The following DNAJB6 variants were observed in gnomAD, a reference collection of about 807,000 sequenced individuals.
DNAJB6 encodes dnaJ homolog subfamily B member 6.
A neutral mutation model predicts 42.7 loss-of-function variants in DNAJB6; 16 were observed. The observed-to-expected ratio is 0.37, with a 90% CI of 0.25 to 0.57. The LOEUF (loss-of-function observed/expected upper bound fraction) is 0.57, where lower values mean the gene tolerates loss of function less well. DNAJB6 is among the 20% of genes least tolerant of loss of function. The pLI, the probability that DNAJB6 is intolerant of heterozygous loss-of-function variation, is 0.74. For missense variants in DNAJB6, 347 were observed against 416.8 expected, an observed-to-expected ratio of 0.83 and a Z score of 1.46; for synonymous variants, 170 against 163.5, an observed-to-expected ratio of 1.04 and a Z score of -0.30.
chr7:157,351,550 G>GCT (rs1798973545), intron 1 of DNAJB6, among the ~76,000 whole-genome samples: 3 of 150,282 alleles, frequency 2.0e-5, no homozygotes, highest in Non-Finnish European at 4.4e-5. Flanking sequence ...GGAGAATGGT[G>GCT]TGAACCCTAG....
At chr7:157,373,778 T>C (rs1389789250) in intron 5 of DNAJB6, among the ~76,000 whole-genome samples, 1 of 150,602 alleles carries the variant, frequency 6.6e-6, no homozygotes, top group African/African-American at 2.4e-5. Context: ...TACAGCAGTT[T>C]GTTTGTAATG....
chr7:157,338,031 T>C (rs968022195), intron 1 of DNAJB6, among the ~76,000 whole-genome samples: 1 of 152,018 alleles, frequency 6.6e-6, no homozygotes, highest in Admixed American at 6.6e-5. Context: ...TTGGGAAGAG[T>C]AGGCTGAGCG....
chr7:157,345,407 T>TG (rs1245313476), intron 1 of DNAJB6, among the ~76,000 whole-genome samples: 1 of 152,156 alleles, frequency 6.6e-6, no homozygotes, highest in Non-Finnish European at 1.5e-5. Context: ...CTTGATCTCT[T>TG]GCGCTCAAGT....
chr7:157,384,814 C>T (rs1800971313), intron 6 of DNAJB6, 53 bp from the exon 7 acceptor site: 2 of 1,554,112 alleles, frequency 1.3e-6, no homozygotes, highest in Non-Finnish European at 1.8e-6. Flanking sequence ...CTTGTCTTTG[C>T]ATTACTAGTT....
At chr7:157,341,279 T>C (rs1798366540) in intron 1 of DNAJB6, among the ~76,000 whole-genome samples, 1 of 151,986 alleles carries the variant, frequency 6.6e-6, no homozygotes, top group Non-Finnish European at 1.5e-5. Flanking sequence ...CACCTGCCAC[T>C]GCTCCCGACT....
Position 157,382,371 on chromosome 7 carries a change from G to A in DNAJB6, c.472G>A (p.Asp158Asn). The change falls in exon 6 of 10, where the codon GAT (aspartate) becomes AAT (asparagine). Residue 158 changes from aspartate to asparagine, a missense_variant. Asp to Asn is a conservative substitution (Grantham distance 23). Around this residue, in one of 3 missense-constraint regions of DNAJB6, gnomAD observed 264 missense variants for 288.0 expected, o/e 0.92. Transcript: ENST00000262177. ...TTTTGGAAGTGGATTTTCTTCTTTT[G>A]ATACAGGTATTAAATCCCTAGGTTT... ...PSFGSGFSSF[D>N]TGFTSFGSLG... is the part of the protein sequence containing the mutation. 2 of 1,445,416 alleles carry A rather than the reference G, an allele frequency of 1.4e-6. No homozygotes were observed. The highest frequency in any genetic ancestry group is 1.9e-6 in the Non-Finnish European group (2 of 1,075,232). 89.5% of individuals were successfully genotyped at this position (1,445,416 alleles called of 1,614,324 possible). A position where few individuals can be genotyped will look rare whatever the true frequency, so the allele number is the denominator to read the frequency against.
At chr7:157,356,443 C>T (rs1183143116) in intron 1 of DNAJB6, among the ~76,000 whole-genome samples, 1 of 152,204 alleles carries the variant, frequency 6.6e-6, no homozygotes, top group Non-Finnish European at 1.5e-5. Context: ...GAGTCGACTC[C>T]TGTCTTTTCT....
intron 3 of DNAJB6, among the ~76,000 whole-genome samples, chr7:157,365,315 A>G (rs1342958330): frequency 6.6e-6 from 1 of 152,208 alleles, no homozygotes; most frequent in African/African-American, 2.4e-5. Flanking sequence ...TTCTAATGTC[A>G]TTGTTTTTGT....
chr7:157,368,240 CTTAA>C (rs1799938872), intron 5 of DNAJB6, among the ~76,000 whole-genome samples: 2 of 152,086 alleles, frequency 1.3e-5, no homozygotes, highest in Admixed American at 1.3e-4. Flanking sequence ...TATGTATGGC[CTTAA>C]TTAACTTGCT....
intron 1 of DNAJB6, among the ~76,000 whole-genome samples, chr7:157,340,773 A>T (rs564755070): frequency 6.6e-6 from 1 of 151,964 alleles, no homozygotes; most frequent in African/African-American, 2.4e-5. Context: ...GGTTCAAGCC[A>T]TTCTCCTGCT....
intron 1 of DNAJB6, among the ~76,000 whole-genome samples, chr7:157,357,536 C>T (rs891000612): frequency 7.9e-5 from 12 of 151,894 alleles, no homozygotes; most frequent in Non-Finnish European, 1.5e-4. Flanking sequence ...ATCTCGAACT[C>T]CTGACCTCAA....
At chr7:157,404,842 A>C (rs1025353331) in intron 8 of DNAJB6, among the ~76,000 whole-genome samples, 1 of 151,718 alleles carries the variant, frequency 6.6e-6, no homozygotes, top group East Asian at 1.9e-4. Flanking sequence ...AGCTGATCTC[A>C]AAGCTAAGCT....
intron 6 of DNAJB6, among the ~76,000 whole-genome samples, chr7:157,384,074 T>C (rs1800927725): frequency 6.6e-6 from 1 of 152,168 alleles, no homozygotes; most frequent in South Asian, 2.1e-4. Flanking sequence ...GTATGCGTCA[T>C]TTGTGTTAAT....
At chr7:157,357,796 G>A (rs79519564) in intron 1 of DNAJB6, among the ~76,000 whole-genome samples, 96 of 152,286 alleles carry the variant, frequency 6.3e-4, no homozygotes, top group East Asian at 3.1e-3. Flanking sequence ...TTTACTGCCC[G>A]GGGAAGTAAC....
chr7:157,397,534 A>G (rs941017165), intron 8 of DNAJB6, among the ~76,000 whole-genome samples: 2 of 152,046 alleles, frequency 1.3e-5, no homozygotes, highest in South Asian at 4.2e-4. Context: ...CCAACAGGAG[A>G]CTTTCCTCCT....
At chr7:157,386,495 A>G (rs537653836) in intron 8 of DNAJB6, among the ~76,000 whole-genome samples, 2 of 152,366 alleles carry the variant, frequency 1.3e-5, no homozygotes, top group South Asian at 4.1e-4. Flanking sequence ...TTAGCAATTG[A>G]TCAAACATTT....
chr7:157,346,851 TTTC>T (rs2116880263), intron 1 of DNAJB6, among the ~76,000 whole-genome samples: 2 of 152,164 alleles, frequency 1.3e-5, no homozygotes, highest in South Asian at 4.1e-4. Flanking sequence ...CTTCAGCTAT[TTTC>T]TTTTTTTTCT....
chr7:157,396,382 T>C (rs1442839087), intron 8 of DNAJB6, among the ~76,000 whole-genome samples: 1 of 152,212 alleles, frequency 6.6e-6, no homozygotes, highest in Non-Finnish European at 1.5e-5. Flanking sequence ...AGGGTTCCGT[T>C]TATAAAGAGT....
chr7:157,378,539 G>C (rs1217738240), intron 5 of DNAJB6: 1 of 152,216 alleles, frequency 6.6e-6, no homozygotes, highest in Admixed American at 6.5e-5. Flanking sequence ...AGCGTGCGCT[G>C]TATAGTTGTG....
Sources: allele counts gnomAD v4.1 joint callset (sites outside exome capture counted in the v4.1 genomes callset), GRCh38; gene constraint gnomAD v4.1.1; regional missense constraint gnomAD v4.1.1; transcripts MANE v1.5; gene names NCBI Gene and HGNC (gene_info 2026-07-23, HGNC 2026-07-21).